Variants in RASA3 observed in about 807,000 individuals in gnomAD.
RASA3 encodes RAS p21 protein activator 3, also known as ras GTPase-activating protein 3.
RASA3 carries 73 observed loss-of-function variants against 110.0 expected under a neutral mutation model. The ratio of observed to expected loss-of-function variants is 0.66; its 90% CI spans 0.55 to 0.81. The LOEUF (loss-of-function observed/expected upper bound fraction) is 0.81, where lower values mean the gene tolerates loss of function less well. RASA3 is among the 30% of genes least tolerant of loss of function. The pLI is 0.00. For synonymous variants in RASA3, 500 were observed against 451.4 expected (o/e 1.11, Z -1.37); for missense variants, 976 against 1,113.2 (o/e 0.88, Z 1.75).
At chr13:114,037,949 C>T (rs558262571) in intron 4 of RASA3, among the ~76,000 whole-genome samples, 13 of 150,698 alleles carry the variant, frequency 8.6e-5, no homozygotes, top group South Asian at 2.1e-4. Context: ...GCCTTCCGTT[C>T]GGGGGAGCCG....
At chr13:114,071,126 G>T in intron 2 of RASA3, among the ~76,000 whole-genome samples, 1 of 152,154 alleles carries the variant, frequency 6.6e-6, no homozygotes, top group East Asian at 1.9e-4. Flanking sequence ...TGTGTGTTTT[G>T]GGTTTTTTTG....
chr13:114,024,095 G>T (rs61973867), intron 8 of RASA3, among the ~76,000 whole-genome samples, 184 bp downstream of exon 8: 21,388 of 152,264 alleles, frequency 0.14, 1,827 homozygotes, highest in Middle Eastern at 0.21. Context: ...ATTGCAAGGT[G>T]AGCCCTAACA....
At chr13:114,104,807 C>T (rs1278537866) in intron 1 of RASA3, among the ~76,000 whole-genome samples, 1 of 151,996 alleles carries the variant, frequency 6.6e-6, no homozygotes, top group African/African-American at 2.4e-5. Flanking sequence ...GGAGGGGGGG[C>T]TACCGCCTCC....
intron 9 of RASA3, among the ~76,000 whole-genome samples, chr13:114,019,387 G>A (rs548804741): frequency 2.0e-5 from 3 of 152,352 alleles, no homozygotes; most frequent in Non-Finnish European, 4.4e-5. Flanking sequence ...TTTTCTGCCC[G>A]GACATTCTTC....
Position 114,011,399 on chromosome 13 carries a change from A to T in RASA3, c.1513-151T>A. The T allele has an allele frequency of 1.4e-6, 1 of 694,512 alleles. No individual in the cohort carries two copies. The highest frequency in any genetic ancestry group is 2.5e-6 in the Non-Finnish European group (1 of 399,558). The allele number at this position is 694,512 out of a possible 1,614,324, so 43.0% of individuals were successfully genotyped here. ...AAACAGGGGTAGCGACGCAGATGGG[A>T]CTGGAGGGGGTGGGCGTCCCACAGT... On this transcript the variant is annotated intron_variant, in intron 15 of 23. Coordinates refer to ENST00000334062, the MANE Select transcript of RASA3 (RefSeq NM_007368.4). The surrounding 1 kb of genome is among the most constrained non-coding windows in gnomAD (Gnocchi z 4.8).
chr13:114,123,818 A>G (rs1467021775), intron 1 of RASA3, among the ~76,000 whole-genome samples: 1 of 152,178 alleles, frequency 6.6e-6, no homozygotes, highest in Non-Finnish European at 1.5e-5. Flanking sequence ...TGGTCAGAAA[A>G]AGGATCCCCA....
chr13:114,000,220 GCCC>G (rs757381006), intron 19 of RASA3, among the ~76,000 whole-genome samples: 1 of 151,696 alleles, frequency 6.6e-6, no homozygotes, highest in Non-Finnish European at 1.5e-5. Flanking sequence ...CGGAGGAGGT[GCCC>G]CATGTTCATC....
intron 1 of RASA3, among the ~76,000 whole-genome samples, chr13:114,130,116 C>G (rs2080497992): frequency 6.6e-6 from 1 of 152,234 alleles, no homozygotes; most frequent in Admixed American, 6.5e-5. Flanking sequence ...AGCACAGTTA[C>G]ATGAGACTAA....
intron 1 of RASA3, among the ~76,000 whole-genome samples, chr13:114,104,264 A>T: frequency 1.2e-5 from 1 of 85,952 alleles, no homozygotes; most frequent in Non-Finnish European, 2.2e-5. Context: ...ACGGCCACGG[A>T]CACCCACCCC....
chr13:114,062,395 G>A (rs1275489018), intron 2 of RASA3, among the ~76,000 whole-genome samples: 1 of 152,128 alleles, frequency 6.6e-6, no homozygotes, highest in Non-Finnish European at 1.5e-5. Flanking sequence ...AGGGTAGGGA[G>A]GTGGAGATGC....
At chr13:113,991,207 A>T (rs8002954) in intron 22 of RASA3, among the ~76,000 whole-genome samples, 8 of 18,604 alleles carry the variant, frequency 4.3e-4, no homozygotes, top group Middle Eastern at 0.056. Flanking sequence ...GGGCTGGAGA[A>T]CAGGCGTGGC....
chr13:114,042,675 T>A (rs1482658972), intron 3 of RASA3, among the ~76,000 whole-genome samples: 1 of 152,214 alleles, frequency 6.6e-6, no homozygotes, highest in Non-Finnish European at 1.5e-5. Flanking sequence ...CAGCCCCGGT[T>A]CTCTCTTCCA....
chr13:113,999,749 G>C (rs1481918184), intron 19 of RASA3, 82 bp from the exon 20 acceptor site: 1 of 1,122,870 alleles, frequency 8.9e-7, no homozygotes, highest in Non-Finnish European at 1.3e-6. Context: ...GTCTCTGCCG[G>C]GGGGTCTCCC....
Position 114,021,443 on chromosome 13 carries a change from G to C in RASA3, c.746C>G (p.Pro249Arg). The change falls in exon 9 of 24, where the codon CCG (proline) becomes CGG (arginine). Residue 249 changes from proline (P) to arginine (R), a missense_variant. This residue lies in a region of RASA3 where 732 missense variants were observed against 779.7 expected (regional missense o/e 0.94). Transcript: ENST00000334062. ...GCTGGACTGCCGCAGGACTTTCAACGGGATCCTTAGTTCTCCCAGGAATTC... is the reference window on the plus strand; with the variant it reads ...GCTGGACTGCCGCAGGACTTTCAACCGGATCCTTAGTTCTCCCAGGAATTC... ...GDEFLGELRI[P>R]LKVLRQSSSY... The C allele has an allele frequency of 1.2e-6, 2 of 1,614,028 alleles. No homozygotes were observed. Among genetic ancestry groups the C allele is most frequent in the Non-Finnish European group, 1.7e-6 (2 of 1,180,016 alleles).
intron 1 of RASA3, among the ~76,000 whole-genome samples, chr13:114,130,617 G>A (rs1037979211): frequency 2.6e-5 from 4 of 152,216 alleles, no homozygotes; most frequent in Admixed American, 2.0e-4. Flanking sequence ...TGAGTATCTG[G>A]TCTGAGACTC....
chr13:114,039,062 CTG>C (rs761348068), intron 4 of RASA3, among the ~76,000 whole-genome samples: 37 of 152,372 alleles, frequency 2.4e-4, no homozygotes, highest in Non-Finnish European at 4.1e-4. Flanking sequence ...GATGGGAAAA[CTG>C]AGGCCTGCAA....
chr13:114,054,458 A>G (rs536144864), intron 2 of RASA3, among the ~76,000 whole-genome samples: 1 of 151,922 alleles, frequency 6.6e-6, no homozygotes, highest in African/African-American at 2.4e-5. Flanking sequence ...AGGGGCCCAG[A>G]GTCCAGGTGG....
In RASA3 at chr13:114,057,270, C is replaced by T; in HGVS notation, c.174-5115G>A. On this transcript the variant is annotated intron_variant, in intron 2 of 23. Coordinates refer to ENST00000334062, the MANE Select transcript of RASA3 (RefSeq NM_007368.4). The surrounding 1 kb of genome is among the most constrained non-coding windows in gnomAD (Gnocchi z 5.0). Reference sequence around the variant, plus strand: ...GGGTCACCTCAAGTCTTTCAGGAAACCAGGCAGGACATCTGCAGGCGGCCG... The same window carrying T: ...GGGTCACCTCAAGTCTTTCAGGAAATCAGGCAGGACATCTGCAGGCGGCCG... The T allele has an allele frequency of 1.0e-6, 1 of 985,390 alleles. No homozygotes were observed. Among genetic ancestry groups the T allele is most frequent in the Admixed American group, 6.1e-5 (1 of 16,286 alleles). 61.0% of individuals were successfully genotyped at this position (985,390 alleles called of 1,614,324 possible).
At chr13:114,119,139 G>T (rs1011793864) in intron 1 of RASA3, among the ~76,000 whole-genome samples, 11 of 139,756 alleles carry the variant, frequency 7.9e-5, no homozygotes, top group African/African-American at 3.0e-4. Context: ...CTTCCCTAAA[G>T]AAAACACAGA....
Sources: allele counts gnomAD v4.1 joint callset (sites outside exome capture counted in the v4.1 genomes callset), GRCh38; gene constraint gnomAD v4.1.1; regional missense constraint gnomAD v4.1.1; non-coding constraint Gnocchi (gnomAD v3.1); transcripts MANE v1.5; gene names NCBI Gene and HGNC (gene_info 2026-07-23, HGNC 2026-07-21).